The following SH2B3 variants were observed in gnomAD, a reference collection of about 807,000 sequenced individuals.
The protein encoded by SH2B3 is SH2B adaptor protein 3, also known as SH2B adapter protein 3.
SH2B3 carries 43 observed loss-of-function variants against 51.9 expected under a neutral mutation model. That is an observed-to-expected ratio of 0.83 (90% CI 0.65 to 1.07). The LOEUF (loss-of-function observed/expected upper bound fraction) is 1.07, where lower values mean the gene tolerates loss of function less well. SH2B3 is among the 50% of genes least tolerant of loss of function. The pLI is 0.00. For synonymous variants in SH2B3, 396 were observed against 376.0 expected, an observed-to-expected ratio of 1.05 and a Z score of -0.62; for missense variants, 952 against 834.3, an observed-to-expected ratio of 1.14 and a Z score of -1.74.
At chr12:111,424,152 T>C (rs191558557) in intron 2 of SH2B3, among the ~76,000 whole-genome samples, 1 of 152,270 alleles carries the variant, frequency 6.6e-6, no homozygotes, top group East Asian at 1.9e-4. Context: ...AAAATAATCT[T>C]GGAAGACCAG....
chr12:111,411,711 G>T (rs7309325), intron 1 of SH2B3, among the ~76,000 whole-genome samples: 57,632 of 152,038 alleles, frequency 0.38, 15,034 homozygotes, highest in East Asian at 0.9. Flanking sequence ...TGTGTTCTGA[G>T]CTTGGGGTCC....
chr12:111,429,838 C>A lies in SH2B3; in HGVS notation c.732+10961C>A, dbSNP rs1409090610. Among the ~76,000 whole-genome samples the A allele has an allele frequency of 3.3e-5, 5 of 152,146 alleles. No individual in the cohort carries two copies. Among genetic ancestry groups the A allele is most frequent in the African/African-American group, 1.2e-4 (5 of 41,434 alleles). On this transcript the variant is annotated intron_variant, in intron 2 of 7. Coordinates refer to ENST00000341259, the MANE Select transcript of SH2B3 (RefSeq NM_005475.3). The surrounding 1 kb of genome is among the most constrained non-coding windows in gnomAD (Gnocchi z 4.4). ...AAATGAGAGTCCCTGGTGGGTCTGC[C>A]AAGGCCGGGGGGCACCAGGGGCAGG...
chr12:111,431,161 G>A (rs1300774451), intron 2 of SH2B3, among the ~76,000 whole-genome samples: 1 of 152,184 alleles, frequency 6.6e-6, no homozygotes, highest in Non-Finnish European at 1.5e-5. Flanking sequence ...TTTGGCCTCT[G>A]GAACCACTGG....
At chr12:111,444,078 C>T (rs1480288319) in intron 2 of SH2B3, 3 of 152,162 alleles carry the variant, frequency 2.0e-5, no homozygotes, top group South Asian at 2.1e-4. Flanking sequence ...GCCTGTAATC[C>T]CAGCTACTGC....
chr12:111,427,946 C>T lies in SH2B3; in HGVS notation c.732+9069C>T, dbSNP rs906759096. ...GGTCTGAGAGAGCTTAGGTGGCTTTCCCAAGGTCTCACAGCCCCTGTGGCT... is the reference window on the plus strand; with the variant it reads ...GGTCTGAGAGAGCTTAGGTGGCTTTTCCAAGGTCTCACAGCCCCTGTGGCT... On this transcript the variant is annotated intron_variant, in intron 2 of 7. Coordinates refer to ENST00000341259, the MANE Select transcript of SH2B3 (RefSeq NM_005475.3). Among the ~76,000 whole-genome samples, 106 of 152,240 alleles carry T rather than the reference C, an allele frequency of 7.0e-4. 1 individual carries two copies. Among genetic ancestry groups the T allele is most frequent in the Middle Eastern group, 3.2e-3 (1 of 316 alleles).
Position 111,450,873 on chromosome 12 carries a change from C to CCCA in SH2B3, c.*2575_*2577dup, listed in dbSNP as rs1874519569. ...CAGGCACCCCACTGGCTGCAGCTAG[C>CCCA]CCACCATAGGCACAGCACATCCCAC... is the stretch of plus-strand genomic sequence containing the variant. On this transcript the variant is annotated 3_prime_UTR_variant, in exon 8 of 8. Transcript: ENST00000341259. 6.6e-6 allele frequency: 1 copy of CCCA among 152,352 alleles called. No individual in the cohort carries two copies. 9.4% of individuals were successfully genotyped at this position (152,352 alleles called of 1,614,324 possible). A position where few individuals can be genotyped will look rare whatever the true frequency, so the allele number is the denominator to read the frequency against.
In SH2B3 at chr12:111,447,219, G is replaced by A. The variant is rs1874078284; in HGVS notation, c.1021G>A (p.Gly341Ser). The A allele has an allele frequency of 6.2e-7, 1 of 1,611,910 alleles. No individual in the cohort carries two copies. The highest frequency in any genetic ancestry group is 8.5e-7 in the Non-Finnish European group (1 of 1,177,994). Residue 341 changes from glycine (G) to serine (S), a missense_variant and splice_region_variant, in exon 5 of 8, where the codon GGT (glycine) becomes AGT (serine). By Grantham distance (56) the Gly-to-Ser change is moderately conservative (BLOSUM62 0). Coordinates refer to ENST00000341259, the MANE Select transcript of SH2B3 (RefSeq NM_005475.3). The stretch of plus-strand genomic sequence containing the variant: ...GGGCAGCACAGATTCCCTTAACCAA[G>A]GTGGGTAAACCAATAGCTAGGCCAT... ...PRGSTDSLNQ[G>S]ASPGGLLDPA...
In SH2B3 at chr12:111,447,980, T is replaced by C; in HGVS notation, c.1409-3T>C. ...TGTGGTCTCTCTTGGTCACTTGTCC[T>C]AGGTTCCTGCAACACGGTCCTCTTC... On this transcript the variant is annotated splice_polypyrimidine_tract_variant and splice_region_variant and intron_variant, in intron 7 of 7. Coordinates refer to ENST00000341259, the MANE Select transcript of SH2B3 (RefSeq NM_005475.3). 6.2e-7 allele frequency: 1 copy of C among 1,602,058 alleles called. No homozygotes were observed. The highest frequency in any genetic ancestry group is 8.5e-7 in the Non-Finnish European group (1 of 1,172,480).
chr12:111,448,417 T>C lies in SH2B3; in HGVS notation c.*115T>C. On this transcript the variant is annotated 3_prime_UTR_variant, in exon 8 of 8. Coordinates refer to ENST00000341259, the MANE Select transcript of SH2B3 (RefSeq NM_005475.3). ...CCAGAGAAAGATTTAAGGGACACTGTTAACTGCTCGTGCCAGTTTGGAAGT... is the reference window on the plus strand; with the variant it reads ...CCAGAGAAAGATTTAAGGGACACTGCTAACTGCTCGTGCCAGTTTGGAAGT... 1.2e-6 allele frequency: 1 copy of C among 841,498 alleles called. No individual in the cohort carries two copies. Among genetic ancestry groups the C allele is most frequent in the Non-Finnish European group, 1.8e-6 (1 of 545,216 alleles). 52.1% of individuals were successfully genotyped at this position (841,498 alleles called of 1,614,324 possible).
chr12:111,423,192 C>G (rs1002063903), intron 2 of SH2B3, among the ~76,000 whole-genome samples: 1 of 152,012 alleles, frequency 6.6e-6, no homozygotes, highest in Non-Finnish European at 1.5e-5. Context: ...ACACTGGGAA[C>G]GGGAGGACTT....
At chr12:111,434,281 C>G (rs369588884) in intron 2 of SH2B3, among the ~76,000 whole-genome samples, 26 of 152,324 alleles carry the variant, frequency 1.7e-4, no homozygotes, top group African/African-American at 5.8e-4. Flanking sequence ...TTCTATCACC[C>G]TAGAAAAAAA....
intron 2 of SH2B3, among the ~76,000 whole-genome samples, chr12:111,428,982 G>T (rs951278024): frequency 3.3e-5 from 5 of 151,616 alleles, no homozygotes; most frequent in Admixed American, 2.6e-4. Context: ...ACGTCCGCCG[G>T]AGGCCTGGCG....
At chr12:111,444,698 A>G (rs888956678) in intron 2 of SH2B3, 16 of 983,248 alleles carry the variant, frequency 1.6e-5, no homozygotes, top group Non-Finnish European at 1.9e-5. Context: ...ATCCCCCCAT[A>G]TAGCTTAATC....
At chr12:111,423,813 T>C (rs1318524484) in intron 2 of SH2B3, among the ~76,000 whole-genome samples, 1 of 152,220 alleles carries the variant, frequency 6.6e-6, no homozygotes, top group Non-Finnish European at 1.5e-5. Flanking sequence ...ACCCCATCTC[T>C]ACTAAAAAAT....
intron 2 of SH2B3, among the ~76,000 whole-genome samples, chr12:111,431,853 G>T (rs936015816): frequency 6.6e-6 from 1 of 152,050 alleles, no homozygotes; most frequent in African/African-American, 2.4e-5. Flanking sequence ...CAGTCCTCCC[G>T]CCTAGGTCTC....
At chr12:111,423,879 G>A (rs1476905893) in intron 2 of SH2B3, among the ~76,000 whole-genome samples, 4 of 152,236 alleles carry the variant, frequency 2.6e-5, no homozygotes, top group Non-Finnish European at 5.9e-5. Flanking sequence ...TTGGGAGGCT[G>A]AGGCAGGTGG....
In SH2B3 at chr12:111,447,783, A is replaced by C; in HGVS notation, c.1364A>C (p.Asp455Ala). 6.2e-7 allele frequency: 1 copy of C among 1,614,088 alleles called. No individual in the cohort carries two copies. Among genetic ancestry groups the C allele is most frequent in the Non-Finnish European group, 8.5e-7 (1 of 1,180,000 alleles). Residue 455 changes from aspartate (D) to alanine (A), a missense_variant, in exon 7 of 8, where the codon GAT becomes GCT. By Grantham distance (126) the Asp-to-Ala change is moderately radical. Coordinates refer to ENST00000341259, the MANE Select transcript of SH2B3 (RefSeq NM_005475.3). ...PIPLECGAAC[D>A]VRLSSYVVVV... ...CCACTCGAGTGCGGCGCCGCCTGTG[A>C]TGTCCGGCTCTCCAGCTACGTGGTA... is the stretch of plus-strand genomic sequence containing the variant.
At chr12:111,439,257 C>T (rs1873178511) in intron 2 of SH2B3, among the ~76,000 whole-genome samples, 1 of 151,962 alleles carries the variant, frequency 6.6e-6, no homozygotes, top group Non-Finnish European at 1.5e-5. Context: ...TCAAGCGATT[C>T]TCCTGCCTCA....
intron 2 of SH2B3, among the ~76,000 whole-genome samples, chr12:111,439,280 G>A (rs984699102): frequency 4.6e-5 from 7 of 152,234 alleles, no homozygotes; most frequent in Middle Eastern, 3.4e-3. Context: ...CTCCCGAGCA[G>A]CTGGGATTAT....
Sources: allele counts gnomAD v4.1 joint callset (sites outside exome capture counted in the v4.1 genomes callset), GRCh38; gene constraint gnomAD v4.1.1; non-coding constraint Gnocchi (gnomAD v3.1); transcripts MANE v1.5; gene names NCBI Gene and HGNC (gene_info 2026-07-23, HGNC 2026-07-21).